KCNJ6: variants seen among roughly 807,000 people sequenced by gnomAD.
The protein encoded by KCNJ6 is potassium inwardly rectifying channel subfamily J member 6, also known as G protein-activated inward rectifier potassium channel 2.
In KCNJ6, 9 loss-of-function variants were observed where a neutral mutation model predicts 34.2. That is an observed-to-expected ratio of 0.26 (90% CI 0.16 to 0.46). The LOEUF (loss-of-function observed/expected upper bound fraction) is 0.46. KCNJ6 is among the 20% of genes least tolerant of loss of function. The pLI is 1.00. For missense variants in KCNJ6, 236 were observed against 531.3 expected (o/e 0.44, Z 5.46); for synonymous variants, 196 against 207.1 (o/e 0.95, Z 0.46).
intron 2 of KCNJ6, among the ~76,000 whole-genome samples, chr21:37,787,914 G>T (rs2055199770): frequency 6.6e-6 from 1 of 152,186 alleles, no homozygotes; most frequent in African/African-American, 2.4e-5. Context: ...TAATAATAGG[G>T]TTGGAGAACC....
chr21:37,877,946 A>T (rs548978815), intron 1 of KCNJ6, among the ~76,000 whole-genome samples: 4 of 152,278 alleles, frequency 2.6e-5, no homozygotes, highest in African/African-American at 9.6e-5. Context: ...GAGAAAATTC[A>T]AGAGAAAGAA....
intron 2 of KCNJ6, among the ~76,000 whole-genome samples, chr21:37,818,829 C>T (rs902439123): frequency 1.3e-5 from 2 of 152,174 alleles, no homozygotes; most frequent in African/African-American, 4.8e-5. Flanking sequence ...AAACAATATA[C>T]ATTCAACCTG....
chr21:37,630,534 A>G (rs1163835777), intron 3 of KCNJ6, among the ~76,000 whole-genome samples: 1 of 152,224 alleles, frequency 6.6e-6, no homozygotes, highest in Non-Finnish European at 1.5e-5. Context: ...CTTGTGAGTC[A>G]TTAGAAAAGA....
intron 3 of KCNJ6, among the ~76,000 whole-genome samples, chr21:37,631,748 G>A (rs774830826): frequency 3.9e-5 from 6 of 152,118 alleles, no homozygotes; most frequent in African/African-American, 4.8e-5. Flanking sequence ...CTTTCTAACC[G>A]GAGGACCAGG....
intron 3 of KCNJ6, among the ~76,000 whole-genome samples, chr21:37,690,769 CTT>C (rs1236191939): frequency 4.8e-5 from 7 of 144,426 alleles, no homozygotes; most frequent in African/African-American, 1.9e-4. Flanking sequence ...CAGGTTACTT[CTT>C]TTTTCTTTTC....
At chr21:37,712,568 CTCCTCTTCTTCCTCCCTTTCTCT>C (rs1164692807) in intron 3 of KCNJ6, among the ~76,000 whole-genome samples, 2 of 108,452 alleles carry the variant, frequency 1.8e-5, no homozygotes, top group Non-Finnish European at 3.5e-5. Flanking sequence ...TCCCCTTCTC[CTCCTCTTCTTCCTCCCTTTCTCT>C]TCCCTCCCTC....
chr21:37,683,526 G>T (rs2835890), intron 3 of KCNJ6, among the ~76,000 whole-genome samples: 1 of 151,852 alleles, frequency 6.6e-6, no homozygotes, highest in Admixed American at 6.6e-5. Flanking sequence ...TTTTATTTGC[G>T]CATTGCAGAT....
Position 37,607,482 on chromosome 21 carries a change from A to ATATATATATATATATATATT in KCNJ6, c.*17676_*17677insAATATATATATATATATATA. On this transcript the variant is annotated 3_prime_UTR_variant, in exon 4 of 4. Coordinates refer to ENST00000609713, the MANE Select transcript of KCNJ6 (RefSeq NM_002240.5). Reference sequence around the variant, plus strand: ...CTTAAAGATATATATATATATATATATTTTTTTTTTATTTTAAAAAAATTT... The same window carrying ATATATATATATATATATATT: ...CTTAAAGATATATATATATATATATATATATATATATATATATATTTTTTTTTTTTATTTTAAAAAAATTT... 421 of 136,664 alleles carry ATATATATATATATATATATT rather than the reference A, an allele frequency of 3.1e-3. 2 individuals are homozygous for ATATATATATATATATATATT. Among genetic ancestry groups the ATATATATATATATATATATT allele is most frequent in the East Asian group, 0.02 (88 of 4,362 alleles). The allele number at this position is 136,664 out of a possible 1,614,324, so 8.5% of individuals were successfully genotyped here.
At chr21:37,831,749 C>CTTT (rs2055427145) in intron 2 of KCNJ6, among the ~76,000 whole-genome samples, 2 of 152,150 alleles carry the variant, frequency 1.3e-5, no homozygotes, top group Non-Finnish European at 2.9e-5. Context: ...GCAGGAGGGG[C>CTTT]ACACGGTCCT....
chr21:37,718,608 T>C (rs1276428508), intron 2 of KCNJ6, among the ~76,000 whole-genome samples: 1 of 152,020 alleles, frequency 6.6e-6, no homozygotes, highest in African/African-American at 2.4e-5. Flanking sequence ...TAGGTGGGAA[T>C]TGAACAATGA....
chr21:37,857,846 A>G (rs1232514592), intron 1 of KCNJ6, among the ~76,000 whole-genome samples: 3 of 152,244 alleles, frequency 2.0e-5, no homozygotes, highest in Non-Finnish European at 4.4e-5. Context: ...TAGAAATAGT[A>G]CAGTGAATAT....
chr21:37,859,948 G>C (rs2055586566), intron 1 of KCNJ6, among the ~76,000 whole-genome samples: 1 of 152,020 alleles, frequency 6.6e-6, no homozygotes, highest in Non-Finnish European at 1.5e-5. Flanking sequence ...TTGCCTTTCA[G>C]TTCTCCCTCT....
At chr21:37,871,817 G>GT (rs1412315259) in intron 1 of KCNJ6, among the ~76,000 whole-genome samples, 2 of 132,962 alleles carry the variant, frequency 1.5e-5, no homozygotes, top group Non-Finnish European at 3.4e-5. Context: ...ATAACCACCT[G>GT]TTTTTTCTTC....
intron 3 of KCNJ6, among the ~76,000 whole-genome samples, chr21:37,654,956 C>T (rs1231698271): frequency 6.6e-6 from 1 of 152,138 alleles, no homozygotes; most frequent in East Asian, 1.9e-4. Context: ...ATTCTCAGAA[C>T]TCATGGGAGC....
chr21:37,897,528 C>T (rs1416952530), intron 1 of KCNJ6, among the ~76,000 whole-genome samples: 1 of 152,212 alleles, frequency 6.6e-6, no homozygotes, highest in Non-Finnish European at 1.5e-5. Context: ...CTCTGAGAGG[C>T]CACCTATGGT....
intron 2 of KCNJ6, among the ~76,000 whole-genome samples, chr21:37,764,390 T>TTC (rs2055081004): frequency 6.6e-6 from 1 of 151,640 alleles, no homozygotes; most frequent in South Asian, 2.1e-4. Context: ...TTACTTTTTT[T>TTC]TTTTTTTTAA....
chr21:37,770,715 A>G (rs903863655), intron 2 of KCNJ6, among the ~76,000 whole-genome samples: 1 of 152,238 alleles, frequency 6.6e-6, no homozygotes, highest in African/African-American at 2.4e-5. Context: ...ATAGAAAATG[A>G]GTCATGGAAG....
intron 2 of KCNJ6, among the ~76,000 whole-genome samples, chr21:37,743,107 C>T (rs919172769): frequency 3.9e-5 from 6 of 152,148 alleles, no homozygotes; most frequent in Non-Finnish European, 7.4e-5. Flanking sequence ...GCCTCTGGGA[C>T]AGCACTTAGC....
At chr21:37,765,277 G>T (rs544101492) in intron 2 of KCNJ6, among the ~76,000 whole-genome samples, 10 of 152,278 alleles carry the variant, frequency 6.6e-5, no homozygotes, top group Middle Eastern at 3.4e-3. Flanking sequence ...CTGGAAATTG[G>T]CCATGGTGGG....
Sources: allele counts gnomAD v4.1 joint callset (sites outside exome capture counted in the v4.1 genomes callset), GRCh38; gene constraint gnomAD v4.1.1; transcripts MANE v1.5; gene names NCBI Gene and HGNC (gene_info 2026-07-23, HGNC 2026-07-21).